Variants in MYO3B observed in about 807,000 individuals in gnomAD.
MYO3B encodes myosin IIIB.
A neutral mutation model predicts 174.6 loss-of-function variants in MYO3B; 156 were observed. The ratio of observed to expected loss-of-function variants is 0.89; its 90% CI spans 0.78 to 1.02. The LOEUF (loss-of-function observed/expected upper bound fraction) is 1.02. MYO3B is among the 50% of genes least tolerant of loss of function. MYO3B has a pLI of 0.00. For synonymous variants in MYO3B, 563 were observed against 569.1 expected (o/e 0.99, Z 0.15); for missense variants, 1,632 against 1,639.4 (o/e 1.00, Z 0.08).
intron 25 of MYO3B, among the ~76,000 whole-genome samples, chr2:170,474,587 A>G (rs1233899729): frequency 2.0e-5 from 3 of 151,004 alleles, no homozygotes; most frequent in African/African-American, 7.3e-5. Context: ...AAAAAAAAAA[A>G]TAATAATAAG....
intron 3 of MYO3B, 100 bp downstream of exon 3, chr2:170,200,384 A>T (rs2092648571): frequency 7.4e-7 from 1 of 1,350,550 alleles, no homozygotes. Context: ...ACATTTGAGG[A>T]GTAGGTCCCT....
chr2:170,594,824 C>T (rs1430933602), intron 32 of MYO3B, among the ~76,000 whole-genome samples: 2 of 125,272 alleles, frequency 1.6e-5, no homozygotes, highest in African/African-American at 3.5e-5. Context: ...TTTCCCAGCG[C>T]GCGCACACAC....
chr2:170,194,430 G>C (rs1165412841), intron 1 of MYO3B, among the ~76,000 whole-genome samples: 1 of 151,834 alleles, frequency 6.6e-6, no homozygotes, highest in Admixed American at 6.6e-5. Context: ...GCTTGAGCCT[G>C]GGAGGTTGAG....
chr2:170,644,097 C>G (rs757143572), intron 32 of MYO3B, among the ~76,000 whole-genome samples: 3 of 152,244 alleles, frequency 2.0e-5, no homozygotes, highest in Admixed American at 2.0e-4. Context: ...ACGACAAAAG[C>G]CTCATTTGTG....
At chr2:170,433,010 A>ATCAC (rs1019818429) in intron 22 of MYO3B, among the ~76,000 whole-genome samples, 1 of 152,196 alleles carries the variant, frequency 6.6e-6, no homozygotes, top group Non-Finnish European at 1.5e-5. Flanking sequence ...ACATTCACAC[A>ATCAC]TCACTCACTC....
At chr2:170,502,213 G>A (rs1260865983) in intron 28 of MYO3B, among the ~76,000 whole-genome samples, 2 of 152,186 alleles carry the variant, frequency 1.3e-5, no homozygotes, top group African/African-American at 4.8e-5. Context: ...AGGCCGTTTG[G>A]ATAGAGTCAG....
At chr2:170,250,524 A>G (rs1328974851) in intron 7 of MYO3B, among the ~76,000 whole-genome samples, 2 of 152,176 alleles carry the variant, frequency 1.3e-5, no homozygotes, top group African/African-American at 4.8e-5. Context: ...GGGCATGCAG[A>G]TGGACAGGTG....
chr2:170,580,570 G>A (rs938152136), intron 32 of MYO3B, among the ~76,000 whole-genome samples: 4 of 152,114 alleles, frequency 2.6e-5, no homozygotes, highest in East Asian at 1.9e-4. Context: ...CCTGGGAGGC[G>A]GAGGTTGCAG....
At chr2:170,370,579 C>T (rs1307649353) in intron 9 of MYO3B, among the ~76,000 whole-genome samples, 1 of 149,522 alleles carries the variant, frequency 6.7e-6, no homozygotes, top group Non-Finnish European at 1.5e-5. Flanking sequence ...TCTTTTCTTC[C>T]TTGTTTTGGT....
intron 25 of MYO3B, among the ~76,000 whole-genome samples, chr2:170,496,720 C>G (rs1686875057): frequency 6.6e-6 from 1 of 151,726 alleles, no homozygotes; most frequent in Non-Finnish European, 1.5e-5. Flanking sequence ...TCATGGCTCA[C>G]TGCAGCCCCA....
At chr2:170,289,647 A>T (rs190305326) in intron 7 of MYO3B, among the ~76,000 whole-genome samples, 4 of 151,882 alleles carry the variant, frequency 2.6e-5, no homozygotes, top group African/African-American at 9.7e-5. Context: ...TCTTTTCAAA[A>T]ACAAACTTTT....
At chr2:170,530,442 T>C (rs1217382680) in intron 30 of MYO3B, among the ~76,000 whole-genome samples, 1 of 152,124 alleles carries the variant, frequency 6.6e-6, no homozygotes, top group Non-Finnish European at 1.5e-5. Context: ...GGGGCTATCA[T>C]TTTTGTTTGC....
At chr2:170,548,741 G>C (rs1402826893) in intron 32 of MYO3B, among the ~76,000 whole-genome samples, 1 of 152,106 alleles carries the variant, frequency 6.6e-6, no homozygotes, top group African/African-American at 2.4e-5. Context: ...ATTATTAACA[G>C]CAGTTATCAC....
At chr2:170,592,738 G>A (rs1279270885) in intron 32 of MYO3B, among the ~76,000 whole-genome samples, 1 of 152,030 alleles carries the variant, frequency 6.6e-6, no homozygotes, top group Non-Finnish European at 1.5e-5. Flanking sequence ...ACATGGCCAT[G>A]GTAGATGCTC....
intron 7 of MYO3B, among the ~76,000 whole-genome samples, chr2:170,300,413 T>C (rs983110454): frequency 2.6e-5 from 4 of 152,354 alleles, no homozygotes; most frequent in African/African-American, 7.2e-5. Context: ...ATACCTCTTA[T>C]ATTTCTGATT....
chr2:170,435,655 T>C (rs908001552), intron 22 of MYO3B, among the ~76,000 whole-genome samples: 1 of 152,230 alleles, frequency 6.6e-6, no homozygotes, highest in Non-Finnish European at 1.5e-5. Context: ...TATTTACTGC[T>C]CCTTATCTTT....
Position 170,651,776 on chromosome 2 carries a change from T to G in MYO3B, c.3840+42T>G, listed in dbSNP as rs536391993. 5.2e-6 allele frequency: 8 copies of G among 1,527,118 alleles called. No homozygotes were observed. The South Asian group carries it at 9.0e-5, about 17-fold the overall frequency. The allele number at this position is 1,527,118 out of a possible 1,614,324, so 94.6% of individuals were successfully genotyped here. On this transcript the variant is annotated intron_variant, in intron 33 of 34. Coordinates refer to ENST00000408978, the MANE Select transcript of MYO3B (RefSeq NM_138995.5). The stretch of plus-strand genomic sequence containing the variant: ...CGTAAAGCTGTTTCACTGGCTTTGT[T>G]TCCAGTTAATAATTCTGTTATTACT...
chr2:170,627,637 G>A (rs1008211789), intron 32 of MYO3B, among the ~76,000 whole-genome samples: 1 of 152,196 alleles, frequency 6.6e-6, no homozygotes, highest in Non-Finnish European at 1.5e-5. Flanking sequence ...CTGATTTTTA[G>A]AATTTTCTGT....
At chr2:170,546,494 C>T (rs1690491191) in intron 32 of MYO3B, among the ~76,000 whole-genome samples, 1 of 152,176 alleles carries the variant, frequency 6.6e-6, no homozygotes, top group Admixed American at 6.5e-5. Flanking sequence ...ATATAGTGTA[C>T]TAGTGGAAGA....
Sources: allele counts gnomAD v4.1 joint callset (sites outside exome capture counted in the v4.1 genomes callset), GRCh38; gene constraint gnomAD v4.1.1; transcripts MANE v1.5; gene names NCBI Gene and HGNC (gene_info 2026-07-23, HGNC 2026-07-21).